The following ZNF678 variants were observed in gnomAD, a reference collection of about 807,000 sequenced individuals.
The protein encoded by ZNF678 is zinc finger protein 678, also known as hypothetical protein MGC42493.
Under a neutral mutation model 3.0 loss-of-function variants are expected in ZNF678, and 5 were observed. The ratio of observed to expected loss-of-function variants is 1.69; its 90% CI spans 0.88 to 3.56. The LOEUF (loss-of-function observed/expected upper bound fraction) is 3.56, where lower values mean the gene tolerates loss of function less well. Among genes scored for constraint, ZNF678 ranks in the 30% most tolerant of loss-of-function variants. The pLI, the probability that ZNF678 is intolerant of heterozygous loss-of-function variation, is 0.00. For synonymous variants in ZNF678, 218 were observed against 199.6 expected, an observed-to-expected ratio of 1.09 and a Z score of -0.78; for missense variants, 593 against 605.0, an observed-to-expected ratio of 0.98 and a Z score of 0.21.
At chr1:227,587,446 G>A (rs1657291049) in intron 1 of ZNF678, among the ~76,000 whole-genome samples, 3 of 152,080 alleles carry the variant, frequency 2.0e-5, no homozygotes, top group Non-Finnish European at 2.9e-5. Context: ...AGAGTCTTTA[G>A]ACTGATGCTT....
chr1:227,602,175 A>G (rs367588324), intron 1 of ZNF678, among the ~76,000 whole-genome samples: 2 of 152,172 alleles, frequency 1.3e-5, no homozygotes, highest in African/African-American at 4.8e-5. Context: ...ACTTATATAA[A>G]GTTTTCTGCT....
intron 1 of ZNF678, among the ~76,000 whole-genome samples, chr1:227,566,525 A>T (rs1402760115): frequency 6.6e-6 from 1 of 152,216 alleles, no homozygotes; most frequent in African/African-American, 2.4e-5. Flanking sequence ...GTCAGTGAGC[A>T]CTTCAGTGAG....
At chr1:227,625,904 A>G (rs535550331) in intron 1 of ZNF678, among the ~76,000 whole-genome samples, 3 of 152,326 alleles carry the variant, frequency 2.0e-5, no homozygotes, top group Admixed American at 6.5e-5. Context: ...TTCCCTGTCC[A>G]ATAATGAGTA....
chr1:227,591,808 C>T (rs1238533616), intron 1 of ZNF678, among the ~76,000 whole-genome samples: 1 of 152,176 alleles, frequency 6.6e-6, no homozygotes, highest in Non-Finnish European at 1.5e-5. Context: ...AACCTTTTCT[C>T]CTACCTCAGT....
chr1:227,595,958 T>C (rs1035698981), intron 1 of ZNF678, among the ~76,000 whole-genome samples: 3 of 152,170 alleles, frequency 2.0e-5, no homozygotes, highest in Non-Finnish European at 1.5e-5. Flanking sequence ...GATCAGTCCA[T>C]GCTTCCACTC....
At chr1:227,622,317 T>C (rs1658300975) in intron 1 of ZNF678, among the ~76,000 whole-genome samples, 1 of 152,256 alleles carries the variant, frequency 6.6e-6, no homozygotes, top group Non-Finnish European at 1.5e-5. Flanking sequence ...CATCCACCTA[T>C]GATTTGTCAG....
At position 227,654,957 on chromosome 1, in the gene ZNF678, C is replaced by T; in HGVS notation, c.707C>T (p.Pro236Leu). The change falls in exon 4 of 4, where the codon CCC becomes CTC. Residue 236 changes from proline to leucine, a missense_variant. Coordinates refer to ENST00000343776, the MANE Select transcript of ZNF678 (RefSeq NM_001367909.1). ...AAGAGAATTCATACTGGAGAGAAAC[C>T]CTACAAATGCAAAGAATGTTGCAAA... ...QHKRIHTGEK[P>L]YKCKECCKAF... is the part of the protein sequence containing the mutation. 1 of 1,612,458 alleles carries T rather than the reference C, an allele frequency of 6.2e-7. No individual in the cohort carries two copies. The highest frequency in any genetic ancestry group is 1.1e-5 in the South Asian group (1 of 90,992).
chr1:227,673,953 T>G (rs1659640030), intron 5 of ZNF678, among the ~76,000 whole-genome samples: 1 of 152,198 alleles, frequency 6.6e-6, no homozygotes, highest in African/African-American at 2.4e-5. Flanking sequence ...TATATTATTA[T>G]GAAGTATATG....
intron 1 of ZNF678, among the ~76,000 whole-genome samples, chr1:227,564,543 C>G (rs1405568397): frequency 1.3e-5 from 2 of 152,206 alleles, no homozygotes; most frequent in Admixed American, 6.5e-5. Flanking sequence ...CAGCCTGACT[C>G]TGGCCTGCAA....
At chr1:227,569,750 TTTC>T in intron 1 of ZNF678, among the ~76,000 whole-genome samples, 1 of 152,186 alleles carries the variant, frequency 6.6e-6, no homozygotes, top group East Asian at 1.9e-4. Context: ...AGTGACTTTT[TTTC>T]TTCTTTTCAA....
intron 1 of ZNF678, among the ~76,000 whole-genome samples, chr1:227,644,084 C>T (rs572896355): frequency 6.6e-6 from 1 of 151,720 alleles, no homozygotes; most frequent in Non-Finnish European, 1.5e-5. Context: ...AAGTTGGTCT[C>T]GAACTCTGGA....
intron 1 of ZNF678, among the ~76,000 whole-genome samples, chr1:227,565,164 C>G (rs1246333525): frequency 7.0e-6 from 1 of 143,142 alleles, no homozygotes; most frequent in Non-Finnish European, 1.5e-5. Flanking sequence ...CTCCTGGGTT[C>G]AAGCGATTCT....
rs560719094 is a variant in ZNF678, at chr1:227,574,710, C to T, written c.-164+10986C>T. Among the ~76,000 whole-genome samples, 5 of 152,070 alleles carry T rather than the reference C, an allele frequency of 3.3e-5. No homozygotes were observed. The South Asian group carries it at 6.2e-4, about 19-fold the overall frequency. Reference sequence around the variant, plus strand: ...TTGCTTTTGTTGAAATTGCTTTTGGCGCCTTTGTCATGAATTCTTGGCCCA... The same window carrying T: ...TTGCTTTTGTTGAAATTGCTTTTGGTGCCTTTGTCATGAATTCTTGGCCCA... On this transcript the variant is annotated intron_variant, in intron 1 of 3. Transcript: ENST00000343776.
chr1:227,652,696 G>A (rs923883912), intron 3 of ZNF678, among the ~76,000 whole-genome samples: 2 of 151,906 alleles, frequency 1.3e-5, no homozygotes, highest in Admixed American at 6.6e-5. Flanking sequence ...TATTATTGAT[G>A]TCACTAATTA....
chr1:227,633,238 G>T lies in ZNF678; in HGVS notation c.-163-13306G>T, dbSNP rs146155662. ...AAACAGACCAGAAGAGTGTGCAGTT[G>T]CAAGACTTAATAGAGTGAAAACAGA... On this transcript the variant is annotated intron_variant, in intron 1 of 3. Coordinates refer to ENST00000343776, the MANE Select transcript of ZNF678 (RefSeq NM_001367909.1). Among the ~76,000 whole-genome samples, 953 of 152,236 alleles carry T rather than the reference G, an allele frequency of 6.3e-3. 10 individuals carry two copies. The highest frequency in any genetic ancestry group is 0.022 in the African/African-American group (912 of 41,546).
At chr1:227,677,737 T>C (rs6671825), downstream of ZNF678, among the ~76,000 whole-genome samples, 1 of 151,982 alleles carries the variant, frequency 6.6e-6, no homozygotes, top group Non-Finnish European at 1.5e-5. Flanking sequence ...CCAAATACAG[T>C]TTACAGTAGG....
chr1:227,639,906 T>C (rs2102789997), intron 1 of ZNF678, among the ~76,000 whole-genome samples: 1 of 152,290 alleles, frequency 6.6e-6, no homozygotes, highest in South Asian at 2.1e-4. Context: ...GGCAGGGTCT[T>C]CTGGAAATGA....
At chr1:227,619,598 G>A (rs1273106553) in intron 1 of ZNF678, among the ~76,000 whole-genome samples, 3 of 151,700 alleles carry the variant, frequency 2.0e-5, no homozygotes, top group Non-Finnish European at 4.4e-5. Flanking sequence ...TGCAAGCTCT[G>A]CCTCCTGGGT....
At chr1:227,593,792 T>C (rs1657482851) in intron 1 of ZNF678, among the ~76,000 whole-genome samples, 1 of 151,644 alleles carries the variant, frequency 6.6e-6, no homozygotes, top group South Asian at 2.1e-4. Context: ...GGTTTTCCCC[T>C]GGGACCATGG....
Sources: allele counts gnomAD v4.1 joint callset (sites outside exome capture counted in the v4.1 genomes callset), GRCh38; gene constraint gnomAD v4.1.1; transcripts MANE v1.5; gene names NCBI Gene and HGNC (gene_info 2026-07-23, HGNC 2026-07-21).